Variants in LDLRAD4 observed in about 807,000 individuals in gnomAD.
LDLRAD4 encodes low density lipoprotein receptor class A domain containing 4, also known as low-density lipoprotein receptor class A domain-containing protein 4.
A neutral mutation model predicts 17.0 loss-of-function variants in LDLRAD4; 5 were observed. That is an observed-to-expected ratio of 0.29 (90% CI 0.15 to 0.62). The LOEUF (loss-of-function observed/expected upper bound fraction) is 0.62, where lower values mean the gene tolerates loss of function less well. LDLRAD4 is among the 20% of genes least tolerant of loss of function. The pLI is 0.84. For missense variants in LDLRAD4, 340 were observed against 424.7 expected, an observed-to-expected ratio of 0.80 and a Z score of 1.75; for synonymous variants, 168 against 171.8, an observed-to-expected ratio of 0.98 and a Z score of 0.17.
chr18:13,385,065 T>G (rs2085692733), intron 1 of LDLRAD4, among the ~76,000 whole-genome samples: 1 of 152,242 alleles, frequency 6.6e-6, no homozygotes, highest in Non-Finnish European at 1.5e-5. Flanking sequence ...CTCCATACTG[T>G]TTTCCGAAAT....
intron 2 of LDLRAD4, among the ~76,000 whole-genome samples, chr18:13,438,023 C>T (rs978645497): frequency 2.6e-5 from 4 of 152,184 alleles, no homozygotes; most frequent in African/African-American, 9.7e-5. Flanking sequence ...GCCTCGGTGC[C>T]CCTGTGGAGT....
rs188285388 is a variant in LDLRAD4 at position 13,284,850 on chromosome 18, C to T, written c.-383+6662C>T. 1.3e-3 allele frequency among the ~76,000 whole-genome samples: 204 copies of T among 152,320 alleles called. 2 individuals are homozygous for T. The highest frequency in any genetic ancestry group is 8.2e-4 in the Non-Finnish European group (56 of 68,032). On this transcript the variant is annotated intron_variant, in intron 1 of 5. Coordinates refer to ENST00000359446, the Ensembl canonical transcript of LDLRAD4. ...GGTCAGGTTCCTGAGATGACTCGCC[C>T]GTGGCAGCTGGTGCCAGTGTTAACA...
intron 3 of LDLRAD4, among the ~76,000 whole-genome samples, chr18:13,443,741 T>C (rs2091197860): frequency 6.6e-6 from 1 of 151,274 alleles, no homozygotes; most frequent in African/African-American, 2.4e-5. Context: ...CTCCCTTTTG[T>C]GACTTTGGGT....
exon 6 of LDLRAD4, chr18:13,648,491 G>C (rs2043102241): frequency 6.6e-6 from 1 of 152,236 alleles, no homozygotes; most frequent in African/African-American, 2.4e-5. Context: ...GAAGGAAAAG[G>C]TGATTTAGAT....
intron 3 of LDLRAD4, among the ~76,000 whole-genome samples, chr18:13,517,347 C>T (rs763998505): frequency 1.3e-5 from 2 of 152,220 alleles, no homozygotes; most frequent in African/African-American, 2.4e-5. Context: ...CTGGATGACT[C>T]CCCATGTGGG....
chr18:13,403,642 T>A (rs995758298), intron 2 of LDLRAD4, among the ~76,000 whole-genome samples: 7 of 152,202 alleles, frequency 4.6e-5, no homozygotes, highest in Non-Finnish European at 7.4e-5. Flanking sequence ...AATGTGTGGT[T>A]TGGTGATTTT....
chr18:13,315,521 T>C (rs1004170689), intron 1 of LDLRAD4, among the ~76,000 whole-genome samples: 2 of 152,138 alleles, frequency 1.3e-5, no homozygotes, highest in African/African-American at 4.8e-5. Flanking sequence ...AGGCCAGGCG[T>C]GGTGGCTCAC....
At position 13,257,405 on chromosome 18, in the gene LDLRAD4, T is replaced by C. The variant is rs1017641164; in HGVS notation, c.-466-20700T>C. On this transcript the variant is annotated intron_variant, in intron 1 of 5. Transcript: ENST00000399848. Reference sequence around the variant, plus strand: ...GTCCTTTCGTTCTGTAATGATGATGTTTGTGAGACTTGGGGATGACACTTT... The same window carrying C: ...GTCCTTTCGTTCTGTAATGATGATGCTTGTGAGACTTGGGGATGACACTTT... Among the ~76,000 whole-genome samples the C allele has an allele frequency of 5.3e-5, 8 of 152,192 alleles. No homozygotes were observed. The South Asian group carries it at 1.0e-3, about 20-fold the overall frequency.
intron 4 of LDLRAD4, among the ~76,000 whole-genome samples, chr18:13,640,167 C>T (rs1323720618): frequency 6.6e-6 from 1 of 151,612 alleles, no homozygotes; most frequent in African/African-American, 2.4e-5. Context: ...GTGGCGGGCG[C>T]CTGTAGTCCC....
At chr18:13,330,308 T>G (rs548212439) in intron 1 of LDLRAD4, among the ~76,000 whole-genome samples, 1 of 152,248 alleles carries the variant, frequency 6.6e-6, no homozygotes, top group Non-Finnish European at 1.5e-5. Flanking sequence ...TTTTTCCACT[T>G]TAGCTTTATA....
chr18:13,430,759 G>C (rs1281536012), intron 2 of LDLRAD4, among the ~76,000 whole-genome samples: 1 of 152,092 alleles, frequency 6.6e-6, no homozygotes, highest in Non-Finnish European at 1.5e-5. Context: ...AATGCCTCTG[G>C]TCTCACACAA....
intron 1 of LDLRAD4, among the ~76,000 whole-genome samples, chr18:13,291,273 C>G (rs939493548): frequency 6.6e-6 from 1 of 152,208 alleles, no homozygotes; most frequent in Non-Finnish European, 1.5e-5. Context: ...ACATAATCAG[C>G]CACAAAGCCC....
rs1331371037 is a variant in LDLRAD4, at chr18:13,621,098, C to G, written c.182-19C>G. The G allele has an allele frequency of 6.2e-7, 1 of 1,614,062 alleles. No homozygotes were observed. Among genetic ancestry groups the G allele is most frequent in the Non-Finnish European group, 8.5e-7 (1 of 1,180,022 alleles). On this transcript the variant is annotated intron_variant, in intron 3 of 5. Coordinates refer to ENST00000359446, the Ensembl canonical transcript of LDLRAD4. This position sits in a 1 kb window ranked among gnomAD's most constrained non-coding sequence, Gnocchi z 5.5. Reference sequence around the variant, plus strand: ...ACTGGAGGGGCCAGGTGGCTAACCACTCTCCTCTTCCATGGCAGCGGAGCT... The same window carrying G: ...ACTGGAGGGGCCAGGTGGCTAACCAGTCTCCTCTTCCATGGCAGCGGAGCT...
chr18:13,232,167 C>G (rs116589980), intron 1 of LDLRAD4, among the ~76,000 whole-genome samples: 1 of 152,206 alleles, frequency 6.6e-6, no homozygotes, highest in Non-Finnish European at 1.5e-5. Flanking sequence ...CTGGGGCCAC[C>G]GCAGGGGCCT....
At chr18:13,610,518 C>G (rs563077931) in intron 3 of LDLRAD4, among the ~76,000 whole-genome samples, 1 of 152,044 alleles carries the variant, frequency 6.6e-6, no homozygotes, top group South Asian at 2.1e-4. Context: ...AACTCCTGAC[C>G]TCAGGTGATC....
At chr18:13,593,905 C>T (rs960165950) in intron 3 of LDLRAD4, among the ~76,000 whole-genome samples, 1 of 152,160 alleles carries the variant, frequency 6.6e-6, no homozygotes, top group African/African-American at 2.4e-5. Flanking sequence ...AGCAATCCTC[C>T]CACCTCAGAC....
intron 1 of LDLRAD4, among the ~76,000 whole-genome samples, chr18:13,316,015 G>C (rs537768714): frequency 3.9e-5 from 6 of 152,076 alleles, no homozygotes; most frequent in African/African-American, 9.7e-5. Flanking sequence ...TGGAGAAAAG[G>C]CCCAGCGTGC....
chr18:13,545,000 T>C (rs1457126780), intron 3 of LDLRAD4, among the ~76,000 whole-genome samples: 1 of 152,086 alleles, frequency 6.6e-6, no homozygotes, highest in East Asian at 1.9e-4. Flanking sequence ...CATTAAACTT[T>C]CTTAGAATGT....
chr18:13,329,869 TTG>T (rs893653268), intron 1 of LDLRAD4, among the ~76,000 whole-genome samples: 34 of 152,224 alleles, frequency 2.2e-4, no homozygotes, highest in African/African-American at 8.2e-4. Context: ...GCCTGACTTC[TTG>T]TTATTTTAAC....
Sources: gnomAD v4.1 joint callset for allele counts (sites outside exome capture counted in the v4.1 genomes callset) on GRCh38, gnomAD v4.1.1 for gene constraint, Gnocchi (gnomAD v3.1) non-coding constraint, MANE v1.5 for transcripts, NCBI Gene and HGNC (gene_info 2026-07-23, HGNC 2026-07-21) for gene names.